C4orf51: variants seen among roughly 807,000 people sequenced by gnomAD.
C4orf51 encodes chromosome 4 open reading frame 51.
A neutral mutation model predicts 25.2 loss-of-function variants in C4orf51; 25 were observed. The observed-to-expected ratio is 0.99, with a 90% CI of 0.72 to 1.39. The LOEUF (loss-of-function observed/expected upper bound fraction) is 1.39. Ranked by LOEUF, C4orf51 falls within the 40% of genes most tolerant of loss-of-function variation. The probability of loss-of-function intolerance (pLI) is 0.00; values close to 1 mark genes in which losing one functional copy is unlikely to be tolerated. For synonymous variants in C4orf51, 100 were observed against 84.5 expected, an observed-to-expected ratio of 1.18 and a Z score of -1.01; for missense variants, 252 against 239.6, an observed-to-expected ratio of 1.05 and a Z score of -0.34.
chr4:145,691,381 T>A (rs1259287120), intron 1 of C4orf51, among the ~76,000 whole-genome samples: 1 of 152,170 alleles, frequency 6.6e-6, no homozygotes, highest in Non-Finnish European at 1.5e-5. Flanking sequence ...GGAAAGTAGT[T>A]TGGAGATTTC....
intron 1 of C4orf51, among the ~76,000 whole-genome samples, chr4:145,768,628 C>T (rs7672621): frequency 0.96 from 145,153 of 151,378 alleles, 69,659 homozygotes; most frequent in African/African-American, 0.99. Context: ...AGACTGTTCT[C>T]CAATTATCTT....
At chr4:145,703,000 C>T (rs1159258381) in intron 2 of C4orf51, among the ~76,000 whole-genome samples, 1 of 151,766 alleles carries the variant, frequency 6.6e-6, no homozygotes, top group Non-Finnish European at 1.5e-5. Flanking sequence ...TTTCGCCACC[C>T]CAACACTTCA....
chr4:145,753,667 A>C (rs1232611342), intron 1 of C4orf51, among the ~76,000 whole-genome samples: 1 of 152,022 alleles, frequency 6.6e-6, no homozygotes, highest in Non-Finnish European at 1.5e-5. Flanking sequence ...TTTCATGGTG[A>C]GTTTGGACCT....
At position 145,705,742 on chromosome 4, in the gene C4orf51, G is replaced by A. The variant is rs1730768015; in HGVS notation, c.307+9110G>A. On this transcript the variant is annotated intron_variant, in intron 2 of 5. Coordinates refer to ENST00000438731, the MANE Select transcript of C4orf51 (RefSeq NM_001080531.3). Reference sequence around the variant, plus strand: ...ATGGGTGGCTCTTGAATATTGAGAGGACAGTATCCCTCACTGATGATCATC... The same window carrying A: ...ATGGGTGGCTCTTGAATATTGAGAGAACAGTATCCCTCACTGATGATCATC... 2.0e-5 allele frequency among the ~76,000 whole-genome samples: 3 copies of A among 152,164 alleles called. No homozygotes were observed. The South Asian group carries it at 6.2e-4, about 32-fold the overall frequency.
At chr4:145,699,199 T>C (rs1339032006) in intron 2 of C4orf51, among the ~76,000 whole-genome samples, 2 of 150,972 alleles carry the variant, frequency 1.3e-5, no homozygotes, top group African/African-American at 4.9e-5. Context: ...TCAGCCCACC[T>C]GCACCCAGGT....
chr4:145,725,028 C>CG lies in C4orf51; in HGVS notation c.308-1878dup, dbSNP rs545812521. Among the ~76,000 whole-genome samples the CG allele has an allele frequency of 2.1e-3, 310 of 150,312 alleles. 2 individuals are homozygous for CG. Among genetic ancestry groups the CG allele is most frequent in the African/African-American group, 7.4e-3 (303 of 40,912 alleles). On this transcript the variant is annotated intron_variant, in intron 2 of 5. Transcript: ENST00000438731. Reference sequence around the variant, plus strand: ...AATAACACAATAGACTTTGTGGACTCGGGGGAAAGGGTGGGAGGGGGATGA... The same window carrying CG: ...AATAACACAATAGACTTTGTGGACTCGGGGGGAAAGGGTGGGAGGGGGATGA...
intron 1 of C4orf51, among the ~76,000 whole-genome samples, chr4:145,693,855 C>G (rs2126680361): frequency 1.2e-5 from 1 of 86,728 alleles, no homozygotes. Flanking sequence ...CCCCCCCCAC[C>G]TCCCTCCCGG....
At chr4:145,767,502 GATCCAA>G (rs1422333941) in intron 1 of C4orf51, among the ~76,000 whole-genome samples, 1 of 152,044 alleles carries the variant, frequency 6.6e-6, no homozygotes, top group Non-Finnish European at 1.5e-5. Flanking sequence ...TAAACCCATA[GATCCAA>G]GAAGCTCAAT....
In C4orf51 at chr4:145,762,362, T is replaced by C. The variant is rs1444228133; in HGVS notation, n.167-8626T>C. On this transcript the variant is annotated intron_variant and non_coding_transcript_variant, in intron 1 of 1. Transcript: ENST00000510096. This position sits in a 1 kb window ranked among gnomAD's most constrained non-coding sequence, Gnocchi z 4.9. ...AGGAGGGAGGGAGACAACTGCTATC[T>C]GGAGCTCGAAGACATTATTAATACA... Among the ~76,000 whole-genome samples, 2 of 152,220 alleles carry C rather than the reference T, an allele frequency of 1.3e-5. No homozygotes were observed. The highest frequency in any genetic ancestry group is 2.9e-5 in the Non-Finnish European group (2 of 68,038).
At chr4:145,782,566 C>A in the C4orf51 span, among the ~76,000 whole-genome samples, 1 of 152,204 alleles carries the variant, frequency 6.6e-6, no homozygotes, top group African/African-American at 2.4e-5. Context: ...GTGTCATCAT[C>A]TTTCACCAAC....
chr4:145,761,204 T>C lies in C4orf51; in HGVS notation n.167-9784T>C. 7.8e-7 allele frequency: 1 copy of C among 1,289,798 alleles called. No individual in the cohort carries two copies. Among genetic ancestry groups the C allele is most frequent in the Non-Finnish European group, 1.0e-6 (1 of 988,856 alleles). 79.9% of individuals were successfully genotyped at this position (1,289,798 alleles called of 1,614,324 possible). A position where few individuals can be genotyped will look rare whatever the true frequency, so the allele number is the denominator to read the frequency against. On this transcript the variant is annotated intron_variant and non_coding_transcript_variant, in intron 1 of 1. Transcript: ENST00000510096. The surrounding 1 kb of genome is among the most constrained non-coding windows in gnomAD (Gnocchi z 6.8). ...TCGGGGCAGTCCCCACTCTGGTGCT[T>C]CTTGACGTGGCGGCTGAAGACGAAA...
chr4:145,703,360 T>C (rs539632726), intron 2 of C4orf51, among the ~76,000 whole-genome samples: 2 of 152,068 alleles, frequency 1.3e-5, no homozygotes, highest in Admixed American at 6.5e-5. Flanking sequence ...TTCCTTTACC[T>C]ACCCAAATCC....
At chr4:145,729,484 G>A (rs1732324137) in intron 4 of C4orf51, among the ~76,000 whole-genome samples, 2 of 151,774 alleles carry the variant, frequency 1.3e-5, no homozygotes, top group Non-Finnish European at 2.9e-5. Context: ...TGTATTTTTA[G>A]TAGAGACGGG....
intron 1 of C4orf51, among the ~76,000 whole-genome samples, chr4:145,682,772 T>G (rs1728914824): frequency 6.6e-6 from 1 of 152,148 alleles, no homozygotes; most frequent in African/African-American, 2.4e-5. Context: ...CTTAAGCTAT[T>G]ATGAAATATT....
intron 1 of C4orf51, among the ~76,000 whole-genome samples, chr4:145,683,957 G>A (rs541614900): frequency 6.6e-6 from 1 of 152,174 alleles, no homozygotes; most frequent in Admixed American, 6.5e-5. Context: ...AAGAGAATGA[G>A]AAGACAAACC....
intron 3 of C4orf51, among the ~76,000 whole-genome samples, chr4:145,728,580 C>G (rs920944676): frequency 1.3e-5 from 2 of 152,172 alleles, no homozygotes; most frequent in Admixed American, 6.5e-5. Context: ...GTCACAACAT[C>G]TTTGTCGACT....
intron 1 of C4orf51, among the ~76,000 whole-genome samples, chr4:145,768,858 CAAAA>C (rs1174930111): frequency 1.3e-3 from 6 of 4,526 alleles, no homozygotes; most frequent in East Asian, 0.012. Flanking sequence ...GACTCCGTCT[CAAAA>C]AAAAAAAAAA....
At chr4:145,742,174 G>A (rs563803852) in intron 1 of C4orf51, among the ~76,000 whole-genome samples, 1 of 152,264 alleles carries the variant, frequency 6.6e-6, no homozygotes, top group Admixed American at 6.5e-5. Flanking sequence ...AATTGATACA[G>A]GCTATGAGAT....
At chr4:145,683,503 C>T (rs1279550680) in intron 1 of C4orf51, among the ~76,000 whole-genome samples, 2 of 152,148 alleles carry the variant, frequency 1.3e-5, no homozygotes, top group East Asian at 3.8e-4. Flanking sequence ...CTTTAATGCT[C>T]ACTATAAAGC....
Sources: gnomAD v4.1 joint callset for allele counts (sites outside exome capture counted in the v4.1 genomes callset) on GRCh38, gnomAD v4.1.1 for gene constraint, Gnocchi (gnomAD v3.1) non-coding constraint, MANE v1.5 for transcripts, NCBI Gene and HGNC (gene_info 2026-07-23, HGNC 2026-07-21) for gene names.